The following AGPAT3 variants were observed in gnomAD, a reference collection of about 807,000 sequenced individuals.
AGPAT3 encodes the protein 1-acylglycerol-3-phosphate O-acyltransferase 3.
Under a neutral mutation model 47.3 loss-of-function variants are expected in AGPAT3, and 5 were observed. The observed-to-expected ratio is 0.11, with a 90% CI of 0.06 to 0.22. The LOEUF is 0.22. Among genes scored for constraint, AGPAT3 ranks in the 10% least tolerant of loss-of-function variants. AGPAT3 has a pLI of 1.00. For synonymous variants in AGPAT3, 212 were observed against 208.3 expected (o/e 1.02, Z -0.15); for missense variants, 315 against 493.0 (o/e 0.64, Z 3.42).
intron 7 of AGPAT3, among the ~76,000 whole-genome samples, chr21:43,976,263 C>T (rs2089618194): frequency 6.6e-6 from 1 of 152,076 alleles, no homozygotes; most frequent in Non-Finnish European, 1.5e-5. Flanking sequence ...GATGGGGTTT[C>T]ACCATGTTGG....
intron 2 of AGPAT3, among the ~76,000 whole-genome samples, chr21:43,904,851 G>C (rs2838428): frequency 0.11 from 16,035 of 152,108 alleles, 1,631 homozygotes; most frequent in African/African-American, 0.26. Context: ...AAATGCTGTC[G>C]GCAGAGATCA....
chr21:43,873,804 C>T (rs566511190), intron 1 of AGPAT3, among the ~76,000 whole-genome samples: 1 of 152,328 alleles, frequency 6.6e-6, no homozygotes, highest in Middle Eastern at 3.4e-3. Context: ...AGATTCATCT[C>T]ACAGAGGCTC....
Position 43,901,508 on chromosome 21 carries a change from C to T in AGPAT3, c.-111-2449C>T, listed in dbSNP as rs930258357. Among the ~76,000 whole-genome samples the T allele has an allele frequency of 4.6e-5, 7 of 151,748 alleles. No individual in the cohort carries two copies. In the East Asian group the frequency reaches 1.2e-3, roughly 25 times the overall value. ...TATAAAAAAAAGACCTAGGGCCGGG[C>T]GTCATGGCTCATACCTGTAATCCCA... is the stretch of plus-strand genomic sequence containing the variant. On this transcript the variant is annotated intron_variant, in intron 1 of 9. Transcript: ENST00000291572.
chr21:43,884,532 C>G (rs2085929197), intron 1 of AGPAT3, among the ~76,000 whole-genome samples: 1 of 152,212 alleles, frequency 6.6e-6, no homozygotes, highest in Admixed American at 6.5e-5. Flanking sequence ...GGCCCAGCCT[C>G]CTGCTCCTTC....
intron 2 of AGPAT3, among the ~76,000 whole-genome samples, chr21:43,921,733 G>C (rs2095897111): frequency 6.6e-6 from 1 of 152,190 alleles, no homozygotes; most frequent in African/African-American, 2.4e-5. Flanking sequence ...AAAAGCCGGG[G>C]TTGGTGGTGG....
rs554686780 is a variant in AGPAT3 at position 43,970,257 on chromosome 21, C to T, written c.511-396C>T. Among the ~76,000 whole-genome samples, 155 of 152,196 alleles carry T rather than the reference C, an allele frequency of 1.0e-3. No homozygotes were observed. The highest frequency in any genetic ancestry group is 1.9e-3 in the Non-Finnish European group (131 of 68,014). Reference sequence around the variant, plus strand: ...TCCTGACCTCATGATCCACCCGCCTCGGCCTCCTAAAGTGCTGGGATTACA... The same window carrying T: ...TCCTGACCTCATGATCCACCCGCCTTGGCCTCCTAAAGTGCTGGGATTACA... On this transcript the variant is annotated intron_variant, in intron 5 of 9. Coordinates refer to ENST00000291572, the MANE Select transcript of AGPAT3 (RefSeq NM_020132.5). This position sits in a 1 kb window ranked among gnomAD's most constrained non-coding sequence, Gnocchi z 5.8.
chr21:43,979,909 G>T (rs2838462), intron 8 of AGPAT3, among the ~76,000 whole-genome samples: 4,783 of 152,272 alleles, frequency 0.031, 86 homozygotes, highest in Admixed American at 0.062. Flanking sequence ...TGAGAACCAT[G>T]AAGAGATCAA....
At chr21:43,902,891 T>C (rs2086391007) in intron 1 of AGPAT3, among the ~76,000 whole-genome samples, 1 of 152,130 alleles carries the variant, frequency 6.6e-6, no homozygotes, top group South Asian at 2.1e-4. Flanking sequence ...TCCTAGCTAC[T>C]TGGGAGGCTG....
At chr21:43,960,972 C>G (rs1046077543) in intron 3 of AGPAT3, among the ~76,000 whole-genome samples, 1 of 151,972 alleles carries the variant, frequency 6.6e-6, no homozygotes, top group Non-Finnish European at 1.5e-5. Context: ...GAAACCCTGT[C>G]TCTACTAAAA....
chr21:43,903,642 A>AGGTGGC (rs1348483924), intron 1 of AGPAT3, among the ~76,000 whole-genome samples: 1 of 152,226 alleles, frequency 6.6e-6, no homozygotes, highest in Non-Finnish European at 1.5e-5. Flanking sequence ...AAGAGCCTGC[A>AGGTGGC]GGTGGCTGGG....
At chr21:43,953,541 A>C (rs925241258) in intron 2 of AGPAT3, among the ~76,000 whole-genome samples, 33 of 152,354 alleles carry the variant, frequency 2.2e-4, no homozygotes, top group Admixed American at 2.0e-3. Context: ...GATCAATAAA[A>C]GACTTTCAAG....
chr21:43,959,503 TG>T, intron 2 of AGPAT3, 130 bp from the exon 3 acceptor site: 1 of 761,794 alleles, frequency 1.3e-6, no homozygotes, highest in Admixed American at 2.3e-5. Flanking sequence ...GTGTGGGGTT[TG>T]CAGTGTGCTG....
intron 2 of AGPAT3, among the ~76,000 whole-genome samples, chr21:43,935,260 G>A (rs904306065): frequency 5.3e-5 from 8 of 152,290 alleles, no homozygotes; most frequent in Middle Eastern, 6.3e-3. Flanking sequence ...TGAGGGAGCA[G>A]GAGGCAGGCT....
At chr21:43,938,073 C>A (rs2087508714) in intron 2 of AGPAT3, among the ~76,000 whole-genome samples, 1 of 147,084 alleles carries the variant, frequency 6.8e-6, no homozygotes, top group African/African-American at 2.5e-5. Context: ...CATTTCTCCT[C>A]TCTCCCCCAC....
chr21:43,975,865 C>G (rs563888737), intron 7 of AGPAT3, among the ~76,000 whole-genome samples: 133 of 152,314 alleles, frequency 8.7e-4, no homozygotes, highest in Non-Finnish European at 1.6e-3. Context: ...GGCCGCCCTT[C>G]CTTAGCAAAG....
chr21:43,903,257 G>A (rs769793060), intron 1 of AGPAT3, among the ~76,000 whole-genome samples: 3 of 152,214 alleles, frequency 2.0e-5, no homozygotes, highest in African/African-American at 4.8e-5. Flanking sequence ...GGCTAGCGGG[G>A]ATGGGGAGTA....
intron 1 of AGPAT3, 100 bp downstream of exon 1, chr21:43,865,445 G>T (rs2085482859): frequency 6.8e-6 from 1 of 146,678 alleles, no homozygotes; most frequent in East Asian, 2.0e-4. Context: ...GGTCGCCCCT[G>T]CCCCAGCCGT....
chr21:43,947,610 C>T (rs962785012), intron 2 of AGPAT3, among the ~76,000 whole-genome samples: 5 of 152,046 alleles, frequency 3.3e-5, no homozygotes, highest in African/African-American at 1.2e-4. Context: ...TCAGGAGTGA[C>T]GTTGTTCTTT....
chr21:43,916,373 C>G (rs576660681), intron 2 of AGPAT3: 11 of 152,306 alleles, frequency 7.2e-5, no homozygotes, highest in African/African-American at 2.2e-4. Context: ...AGATGGGTTT[C>G]TGTAGCATCC....
Sources: gnomAD v4.1 joint callset for allele counts (sites outside exome capture counted in the v4.1 genomes callset) on GRCh38, gnomAD v4.1.1 for gene constraint, Gnocchi (gnomAD v3.1) non-coding constraint, MANE v1.5 for transcripts, NCBI Gene and HGNC (gene_info 2026-07-23, HGNC 2026-07-21) for gene names.